The following FRY variants were observed in gnomAD, a reference collection of about 807,000 sequenced individuals.
FRY encodes FRY microtubule binding protein, also known as protein furry homolog.
A neutral mutation model predicts 348.4 loss-of-function variants in FRY; 128 were observed. The observed-to-expected ratio is 0.37, with a 90% CI of 0.32 to 0.43. The LOEUF (loss-of-function observed/expected upper bound fraction) is 0.43, where lower values mean the gene tolerates loss of function less well. FRY is among the 20% of genes least tolerant of loss of function. FRY has a pLI of 1.00. For synonymous variants in FRY, 1,370 were observed against 1,374.7 expected (o/e 1.00, Z 0.08); for missense variants, 2,736 against 3,695.2 (o/e 0.74, Z 6.73).
intron 24 of FRY, among the ~76,000 whole-genome samples, chr13:32,184,052 G>T (rs372556401): frequency 6.6e-6 from 1 of 151,832 alleles, no homozygotes; most frequent in African/African-American, 2.4e-5. Flanking sequence ...GGTGGTGCAC[G>T]CCTGTAGTCC....
rs187884035 is a variant in FRY at position 32,202,677 on chromosome 13, G to A, written c.4018+150G>A. On this transcript the variant is annotated intron_variant, in intron 31 of 60. Transcript: ENST00000542859. Reference sequence around the variant, plus strand: ...TAATTTTAGAGTTATGACCAGGCACGATGCCACGCATTCCTGTAATCCCAG... The same window carrying A: ...TAATTTTAGAGTTATGACCAGGCACAATGCCACGCATTCCTGTAATCCCAG... The A allele has an allele frequency of 2.5e-4, 191 of 754,576 alleles. 1 individual carries two copies. In the African/African-American group the frequency reaches 2.9e-3, roughly 11 times the overall value. 46.7% of individuals were successfully genotyped at this position (754,576 alleles called of 1,614,324 possible). A position where few individuals can be genotyped will look rare whatever the true frequency, so the allele number is the denominator to read the frequency against.
At position 32,262,462 on chromosome 13, in the gene FRY, C is replaced by T; in HGVS notation, c.7766C>T (p.Ser2589Phe). The change falls in exon 53 of 61, where the codon TCT becomes TTT. Residue 2589 changes from serine to phenylalanine, a missense_variant. Physicochemically the swap from Ser to Phe is radical, Grantham distance 155. Transcript: ENST00000542859. The part of the protein sequence containing the change: ...SLPDMNNLQI[S>F]EGSKAEAVRE... ...CCTGATATGAATAATCTGCAGATTT[C>T]TGAGGGTTCAAAGGTGAAGAGATTT... 6.2e-7 allele frequency: 1 copy of T among 1,613,114 alleles called. No individual in the cohort carries two copies. The highest frequency in any genetic ancestry group is 2.2e-5 in the East Asian group (1 of 44,872).
chr13:32,096,098 C>T (rs146839828), intron 2 of FRY, among the ~76,000 whole-genome samples: 2 of 151,596 alleles, frequency 1.3e-5, no homozygotes, highest in African/African-American at 4.9e-5. Flanking sequence ...TCCCTTTCTC[C>T]CTTTCTTCCT....
intron 4 of FRY, among the ~76,000 whole-genome samples, chr13:32,119,421 G>T (rs541617525): frequency 6.6e-6 from 1 of 152,270 alleles, no homozygotes; most frequent in Non-Finnish European, 1.5e-5. Context: ...CAGCAATAAA[G>T]TTGAATTCAT....
chr13:32,211,208 G>A (rs952715721), intron 34 of FRY, among the ~76,000 whole-genome samples, 174 bp downstream of exon 34: 2 of 152,216 alleles, frequency 1.3e-5, no homozygotes, highest in Admixed American at 1.3e-4. Flanking sequence ...GGTGACTCAC[G>A]CCTGTAATCC....
intron 5 of FRY, 110 bp from the exon 6 acceptor site, chr13:32,124,492 G>T: frequency 3.5e-6 from 3 of 869,412 alleles, no homozygotes; most frequent in South Asian, 2.8e-5. Flanking sequence ...TGGGTTATAT[G>T]ACTTATGTTT....
intron 52 of FRY, 76 bp from the exon 53 acceptor site, chr13:32,262,238 A>G: frequency 8.2e-7 from 1 of 1,213,224 alleles, no homozygotes; most frequent in Non-Finnish European, 1.2e-6. Context: ...GTATTAACCA[A>G]CAACTAGAGA....
At position 32,107,956 on chromosome 13, in the gene FRY, C is replaced by T. The variant is rs912256039; in HGVS notation, c.324+5940C>T. On this transcript the variant is annotated intron_variant, in intron 3 of 60. Transcript: ENST00000542859. The stretch of plus-strand genomic sequence containing the variant: ...TAAATTACTATAGTAACTGTCAGGG[C>T]TTAGCGAGTAAAAGGAACTAAAAAT... Among the ~76,000 whole-genome samples the T allele has an allele frequency of 2.0e-5, 3 of 152,204 alleles. No homozygotes were observed. In the East Asian group the frequency reaches 5.8e-4, roughly 29 times the overall value.
chr13:32,162,738 C>T (rs576480947), intron 17 of FRY, among the ~76,000 whole-genome samples: 30 of 152,310 alleles, frequency 2.0e-4, no homozygotes, highest in African/African-American at 7.2e-4. Flanking sequence ...TGTCACCCAG[C>T]CCTGTAGTCT....
chr13:32,049,689 G>T (rs1593559855), intron 1 of FRY, among the ~76,000 whole-genome samples: 1 of 152,172 alleles, frequency 6.6e-6, no homozygotes, highest in South Asian at 2.1e-4. Context: ...CAATCACTGC[G>T]AGAATGACCC....
At chr13:32,224,196 C>T (rs1885461590) in intron 36 of FRY, 39 bp from the exon 37 acceptor site, 3 of 1,577,020 alleles carry the variant, frequency 1.9e-6, no homozygotes, top group African/African-American at 2.7e-5. Flanking sequence ...AGTCTCCTCT[C>T]CCTGAAAATA....
At chr13:32,150,040 G>T (rs1278332514) in intron 14 of FRY, among the ~76,000 whole-genome samples, 2 of 152,180 alleles carry the variant, frequency 1.3e-5, no homozygotes, top group Non-Finnish European at 2.9e-5. Flanking sequence ...TAGTTGAAAG[G>T]TTGATGTGCT....
At chr13:32,153,361 A>G (rs1441951096) in intron 14 of FRY, among the ~76,000 whole-genome samples, 2 of 152,214 alleles carry the variant, frequency 1.3e-5, no homozygotes, top group Admixed American at 6.5e-5. Flanking sequence ...ACTATTTAGC[A>G]ATAAAAATGC....
chr13:32,120,467 CATTT>C (rs1220137397), intron 4 of FRY, among the ~76,000 whole-genome samples: 1 of 152,090 alleles, frequency 6.6e-6, no homozygotes, highest in Non-Finnish European at 1.5e-5. Flanking sequence ...CTTTTTTAAA[CATTT>C]ATTTATTTTT....
At chr13:32,171,979 T>C (rs1566110103) in intron 18 of FRY, among the ~76,000 whole-genome samples, 2 of 150,016 alleles carry the variant, frequency 1.3e-5, no homozygotes, top group Non-Finnish European at 3.0e-5. Context: ...TGGATGTAGA[T>C]AGGATGTGGA....
intron 1 of FRY, among the ~76,000 whole-genome samples, chr13:32,057,791 C>G (rs994888253): frequency 1.1e-4 from 17 of 152,228 alleles, no homozygotes; most frequent in African/African-American, 2.9e-4. Flanking sequence ...AACCCTGTCT[C>G]TACTAAAAAA....
intron 11 of FRY, among the ~76,000 whole-genome samples, chr13:32,141,607 C>T (rs1374478282): frequency 6.6e-6 from 1 of 152,128 alleles, no homozygotes; most frequent in African/African-American, 2.4e-5. Context: ...AAGGTGCAAC[C>T]CAGGAATCTG....
intron 20 of FRY, 75 bp downstream of exon 20, chr13:32,175,707 TG>T: frequency 1.1e-6 from 1 of 881,724 alleles, no homozygotes; most frequent in Non-Finnish European, 1.9e-6. Flanking sequence ...TGAAAAATTA[TG>T]TGGAATAATT....
In FRY at chr13:32,126,477, C is replaced by T. The variant is rs557317858; in HGVS notation, c.716+1602C>T. 3.9e-5 allele frequency among the ~76,000 whole-genome samples: 6 copies of T among 152,312 alleles called. No individual in the cohort carries two copies. The South Asian group carries it at 1.2e-3, about 32-fold the overall frequency. On this transcript the variant is annotated intron_variant, in intron 7 of 60. Transcript: ENST00000542859. ...GGTCCACCAAGTCAGTGTTTGCTTG[C>T]CAATGGTGGCTTTTTTTATTTTCGT...
Sources: gnomAD v4.1 joint callset for allele counts (sites outside exome capture counted in the v4.1 genomes callset) on GRCh38, gnomAD v4.1.1 for gene constraint, MANE v1.5 for transcripts, NCBI Gene and HGNC (gene_info 2026-07-23, HGNC 2026-07-21) for gene names.